The following PLEKHA7 variants were observed in gnomAD, a reference collection of about 807,000 sequenced individuals.
PLEKHA7 encodes the protein pleckstrin homology domain containing A7.
Under a neutral mutation model 170.0 loss-of-function variants are expected in PLEKHA7, and 104 were observed. The ratio of observed to expected loss-of-function variants is 0.61; its 90% CI spans 0.52 to 0.72. The LOEUF (loss-of-function observed/expected upper bound fraction) is 0.72. Ranked by LOEUF, PLEKHA7 falls within the 30% of genes least tolerant of loss-of-function variation. The pLI is 0.00. For synonymous variants in PLEKHA7, 648 were observed against 660.8 expected (o/e 0.98, Z 0.30); for missense variants, 1,615 against 1,671.7 (o/e 0.97, Z 0.59).
intron 4 of PLEKHA7, among the ~76,000 whole-genome samples, chr11:16,870,082 C>T (rs1284655564): frequency 6.6e-6 from 1 of 152,164 alleles, no homozygotes; most frequent in African/African-American, 2.4e-5. Context: ...TTTATGTAGA[C>T]AAGCCCTGGG....
At chr11:16,921,787 T>C (rs183072909) in intron 3 of PLEKHA7, among the ~76,000 whole-genome samples, 1 of 152,362 alleles carries the variant, frequency 6.6e-6, no homozygotes, top group East Asian at 1.9e-4. Context: ...TGCATTACAG[T>C]TGAGCATACG....
chr11:16,886,160 A>T (rs891522681), intron 3 of PLEKHA7, among the ~76,000 whole-genome samples: 1 of 152,176 alleles, frequency 6.6e-6, no homozygotes, highest in Non-Finnish European at 1.5e-5. Context: ...TGGCCACCCA[A>T]AGAGGCCACT....
intron 4 of PLEKHA7, among the ~76,000 whole-genome samples, chr11:16,868,469 A>G (rs1854570144): frequency 6.6e-6 from 1 of 152,194 alleles, no homozygotes; most frequent in Non-Finnish European, 1.5e-5. Context: ...GTTCACACCA[A>G]TAAGAGCAGG....
At chr11:16,883,481 C>G (rs951244595) in intron 3 of PLEKHA7, among the ~76,000 whole-genome samples, 3 of 152,156 alleles carry the variant, frequency 2.0e-5, no homozygotes, top group African/African-American at 7.2e-5. Context: ...TGCCCAAACA[C>G]CCTCCATGGC....
chr11:16,823,048 G>A (rs537569339), intron 10 of PLEKHA7, among the ~76,000 whole-genome samples: 2 of 152,072 alleles, frequency 1.3e-5, no homozygotes, highest in South Asian at 2.1e-4. Context: ...AGGCTGGAGT[G>A]CAGTGGTACA....
At chr11:16,873,443 AC>A (rs1003849972) in intron 3 of PLEKHA7, among the ~76,000 whole-genome samples, 1 of 151,708 alleles carries the variant, frequency 6.6e-6, no homozygotes. Context: ...CCATACTGTC[AC>A]CCTTCCCAAC....
chr11:16,800,952 A>G (rs2134380718), intron 17 of PLEKHA7, 22 bp downstream of exon 17: 1 of 1,592,824 alleles, frequency 6.3e-7, no homozygotes, highest in Non-Finnish European at 8.6e-7. Context: ...AGCTCAGAAG[A>G]GATGGACAGG....
chr11:16,819,698 A>C (rs888352785), intron 10 of PLEKHA7, among the ~76,000 whole-genome samples: 2 of 152,220 alleles, frequency 1.3e-5, no homozygotes, highest in African/African-American at 2.4e-5. Context: ...CCAGGCATGG[A>C]AAGACAAATA....
intron 3 of PLEKHA7, among the ~76,000 whole-genome samples, chr11:16,982,797 A>ACACT (rs1863512623): frequency 6.8e-6 from 1 of 146,848 alleles, no homozygotes; most frequent in Non-Finnish European, 1.5e-5. Context: ...ACACACACAC[A>ACACT]CACACACACG....
rs894699225 is a variant in PLEKHA7, at chr11:16,975,669, T to C, written c.221+38320A>G. On this transcript the variant is annotated intron_variant, in intron 3 of 26. Coordinates refer to ENST00000531066, the MANE Select transcript of PLEKHA7 (RefSeq NM_001329630.2). ...ACAAAACTATATATTATCCCATTTT[T>C]GTTAAAACACACATATAAATACATA... Among the ~76,000 whole-genome samples the C allele has an allele frequency of 1.3e-4, 20 of 152,212 alleles. 1 individual carries two copies.
At chr11:16,801,919 G>A (rs1200743521) in intron 15 of PLEKHA7, 102 bp from the exon 16 acceptor site, 17 of 1,427,290 alleles carry the variant, frequency 1.2e-5, no homozygotes, top group Admixed American at 3.7e-5. Context: ...AACCAAGGCC[G>A]AAGGGATCAG....
chr11:16,967,181 C>G (rs1332684381), intron 3 of PLEKHA7, among the ~76,000 whole-genome samples: 2 of 152,174 alleles, frequency 1.3e-5, no homozygotes. Flanking sequence ...TGTTAAATTT[C>G]AGCTCAACAA....
chr11:17,006,111 C>T (rs1864973161), intron 3 of PLEKHA7, among the ~76,000 whole-genome samples: 1 of 152,094 alleles, frequency 6.6e-6, no homozygotes, highest in Non-Finnish European at 1.5e-5. Context: ...TGGCTCATGC[C>T]TGTAATCCCA....
At chr11:16,809,115 C>A (rs1241032719) in intron 13 of PLEKHA7, among the ~76,000 whole-genome samples, 4 of 152,194 alleles carry the variant, frequency 2.6e-5, no homozygotes, top group Non-Finnish European at 5.9e-5. Flanking sequence ...CACCCTGGCA[C>A]CATCAAGTAA....
At chr11:16,934,212 G>A (rs1860132511) in intron 3 of PLEKHA7, among the ~76,000 whole-genome samples, 1 of 152,138 alleles carries the variant, frequency 6.6e-6, no homozygotes. Context: ...ATGAGGTCCT[G>A]GAACCACTTA....
chr11:16,853,257 A>T (rs1853135837), intron 6 of PLEKHA7, among the ~76,000 whole-genome samples: 1 of 152,220 alleles, frequency 6.6e-6, no homozygotes, highest in South Asian at 2.1e-4. Context: ...AGTTTTTGAC[A>T]AGCTTGAAAA....
intron 9 of PLEKHA7, among the ~76,000 whole-genome samples, chr11:16,838,608 T>C (rs1851704853): frequency 6.6e-6 from 1 of 150,704 alleles, no homozygotes; most frequent in Admixed American, 6.6e-5. Flanking sequence ...TATTTATGTA[T>C]CAGATCAGTA....
intron 3 of PLEKHA7, among the ~76,000 whole-genome samples, chr11:16,917,282 G>A (rs989511153): frequency 6.6e-6 from 1 of 152,184 alleles, no homozygotes; most frequent in Non-Finnish European, 1.5e-5. Context: ...AATGAGAGCT[G>A]CTTGAAGGCA....
In PLEKHA7 at chr11:16,794,937, T is replaced by A; in HGVS notation, c.2491A>T (p.Ile831Phe). The A allele has an allele frequency of 1.9e-6, 3 of 1,611,770 alleles. No homozygotes were observed. The highest frequency in any genetic ancestry group is 1.3e-5 in the African/African-American group (1 of 74,494). Residue 831 changes from isoleucine (I) to phenylalanine (F), a missense_variant, in exon 18 of 27, where the codon ATT becomes TTT. Transcript: ENST00000531066. The stretch of plus-strand genomic sequence containing the variant: ...GGATTTTTTACTGACTCCACTAGAA[T>A]TCTGAAGTTCTCTTTATTTGCACTC... ...GLSANKENFR[I>F]LVESVKNPER...
Sources: allele counts gnomAD v4.1 joint callset (sites outside exome capture counted in the v4.1 genomes callset), GRCh38; gene constraint gnomAD v4.1.1; transcripts MANE v1.5; gene names NCBI Gene and HGNC (gene_info 2026-07-23, HGNC 2026-07-21).